Variants in CSMD1 observed in about 807,000 individuals in gnomAD.
The protein encoded by CSMD1 is CUB and Sushi multiple domains 1, also known as CUB and sushi domain-containing protein 1.
CSMD1 carries 213 observed loss-of-function variants against 417.5 expected under a neutral mutation model. That is an observed-to-expected ratio of 0.51 (90% CI 0.46 to 0.57). The LOEUF (loss-of-function observed/expected upper bound fraction) is 0.57, where lower values mean the gene tolerates loss of function less well. Among genes scored for constraint, CSMD1 ranks in the 20% least tolerant of loss-of-function variants. The pLI, the probability that CSMD1 is intolerant of heterozygous loss-of-function variation, is 0.00. For synonymous variants in CSMD1, 2,862 were observed against 1,736.8 expected, an observed-to-expected ratio of 1.65 and a Z score of -16.11; for missense variants, 6,923 against 4,529.7, an observed-to-expected ratio of 1.53 and a Z score of -15.17.
Position 3,279,901 on chromosome 8 carries a change from G to T in CSMD1, c.4153+4243C>A, listed in dbSNP as rs1584919787. 2.0e-5 allele frequency among the ~76,000 whole-genome samples: 3 copies of T among 152,276 alleles called. No homozygotes were observed. In the Middle Eastern group the frequency reaches 0.01, roughly 518 times the overall value. The stretch of plus-strand genomic sequence containing the variant: ...ACCACCTCCACCTGGTCCCACCCTT[G>T]ACACATATGGATTATGAGCATTACA... On this transcript the variant is annotated intron_variant, in intron 26 of 69. Transcript: ENST00000635120.
chr8:4,874,217 A>C (rs1158867058), intron 1 of CSMD1, among the ~76,000 whole-genome samples: 3 of 152,126 alleles, frequency 2.0e-5, no homozygotes, highest in Non-Finnish European at 4.4e-5. Context: ...AGATCAAGAA[A>C]GCCACTGTAT....
intron 49 of CSMD1, among the ~76,000 whole-genome samples, chr8:3,060,713 T>C (rs1029244151): frequency 7.2e-5 from 11 of 152,164 alleles, no homozygotes; most frequent in Non-Finnish European, 1.5e-4. Flanking sequence ...TTTGAATGCA[T>C]CTCCTCCAAA....
At chr8:3,427,571 C>G (rs1426432447) in intron 12 of CSMD1, among the ~76,000 whole-genome samples, 3 of 152,034 alleles carry the variant, frequency 2.0e-5, no homozygotes, top group African/African-American at 7.2e-5. Flanking sequence ...AATCATATTT[C>G]AAATCTATGA....
chr8:3,822,304 G>T (rs1189771540), intron 5 of CSMD1, among the ~76,000 whole-genome samples: 1 of 152,120 alleles, frequency 6.6e-6, no homozygotes, highest in African/African-American at 2.4e-5. Flanking sequence ...CTAGGGGGAA[G>T]AACAGGTGTT....
At chr8:3,517,428 C>T (rs1797327824) in intron 10 of CSMD1, among the ~76,000 whole-genome samples, 1 of 152,148 alleles carries the variant, frequency 6.6e-6, no homozygotes, top group African/African-American at 2.4e-5. Context: ...GAGTCCTCTA[C>T]ACTCCAACCT....
intron 50 of CSMD1, among the ~76,000 whole-genome samples, chr8:3,046,521 C>T (rs1203084965): frequency 6.6e-6 from 1 of 152,132 alleles, no homozygotes; most frequent in Non-Finnish European, 1.5e-5. Flanking sequence ...GATCCTCGCC[C>T]CCACGGATCA....
intron 3 of CSMD1, among the ~76,000 whole-genome samples, chr8:4,293,571 G>T (rs1040179977): frequency 6.6e-6 from 1 of 151,960 alleles, no homozygotes; most frequent in South Asian, 2.1e-4. Flanking sequence ...TTCCAAATTA[G>T]GCACAATAAA....
intron 7 of CSMD1, among the ~76,000 whole-genome samples, chr8:3,628,711 C>A (rs2469310): frequency 0.11 from 17,244 of 151,902 alleles, 1,167 homozygotes; most frequent in African/African-American, 0.17. Flanking sequence ...GTGTAGGCAC[C>A]CTGCAGATCA....
chr8:4,012,110 T>C (rs1585129747), intron 4 of CSMD1, among the ~76,000 whole-genome samples: 1 of 152,150 alleles, frequency 6.6e-6, no homozygotes, highest in East Asian at 1.9e-4. Context: ...ATGAAACATT[T>C]TCTAGATTTA....
chr8:4,100,513 A>C (rs750295547), intron 3 of CSMD1, among the ~76,000 whole-genome samples: 2 of 152,212 alleles, frequency 1.3e-5, no homozygotes, highest in African/African-American at 4.8e-5. Context: ...AAATGGATTA[A>C]AAATGGGTAT....
intron 7 of CSMD1, among the ~76,000 whole-genome samples, chr8:3,700,285 GAA>G (rs1381488164): frequency 1.3e-5 from 2 of 152,078 alleles, no homozygotes; most frequent in Non-Finnish European, 2.9e-5. Context: ...TTTTACAAAA[GAA>G]AATATACCTG....
chr8:3,312,076 T>G (rs1805392333), intron 23 of CSMD1, among the ~76,000 whole-genome samples: 1 of 152,204 alleles, frequency 6.6e-6, no homozygotes, highest in African/African-American at 2.4e-5. Flanking sequence ...CTTTGTTTTG[T>G]AATGTTTCTT....
At chr8:4,141,609 ATTCCTCCACTATATT>A (rs1803795664) in intron 3 of CSMD1, among the ~76,000 whole-genome samples, 1 of 150,844 alleles carries the variant, frequency 6.6e-6, no homozygotes, top group East Asian at 1.9e-4. Flanking sequence ...AGTTGTAACG[ATTCCTCCACTATATT>A]TTCACCCTAA....
In CSMD1 at chr8:4,901,902, C is replaced by T. The variant is rs112667103; in HGVS notation, c.85+92430G>A. On this transcript the variant is annotated intron_variant, in intron 1 of 69. Coordinates refer to ENST00000635120, the MANE Select transcript of CSMD1 (RefSeq NM_033225.6). ...CCAGCCAAAAGGACACTTCCATTTA[C>T]CCTAAATACGTTAAAAAGATTGTCA... is the stretch of plus-strand genomic sequence containing the variant. Among the ~76,000 whole-genome samples the T allele has an allele frequency of 3.2e-3, 485 of 152,164 alleles. 6 individuals are homozygous for T. Among genetic ancestry groups the T allele is most frequent in the African/African-American group, 0.011 (450 of 41,514 alleles).
chr8:4,862,247 C>G (rs1461243174), intron 1 of CSMD1, among the ~76,000 whole-genome samples: 1 of 151,878 alleles, frequency 6.6e-6, no homozygotes, highest in Non-Finnish European at 1.5e-5. Flanking sequence ...GAGGAGTGAA[C>G]GAGATGAGCT....
chr8:4,044,543 A>G (rs1183115415), intron 3 of CSMD1, among the ~76,000 whole-genome samples: 1 of 152,322 alleles, frequency 6.6e-6, no homozygotes, highest in East Asian at 1.9e-4. Context: ...ACTTCATTCC[A>G]TCTGTGATTC....
intron 5 of CSMD1, among the ~76,000 whole-genome samples, chr8:3,832,989 T>C (rs1435871979): frequency 6.6e-6 from 1 of 152,190 alleles, no homozygotes; most frequent in Non-Finnish European, 1.5e-5. Flanking sequence ...AGACACTGTT[T>C]TCTTTTTATA....
At chr8:4,140,490 TCAAAAA>T (rs1407032879) in intron 3 of CSMD1, among the ~76,000 whole-genome samples, 1 of 139,210 alleles carries the variant, frequency 7.2e-6, no homozygotes, top group Non-Finnish European at 1.6e-5. Flanking sequence ...AAAATCCATC[TCAAAAA>T]CAAACAAACA....
intron 3 of CSMD1, among the ~76,000 whole-genome samples, chr8:4,362,609 C>A (rs992648256): frequency 6.6e-6 from 1 of 152,130 alleles, no homozygotes; most frequent in African/African-American, 2.4e-5. Flanking sequence ...AATAAACATT[C>A]TTTTCTCTTT....
Sources: allele counts gnomAD v4.1 joint callset (sites outside exome capture counted in the v4.1 genomes callset), GRCh38; gene constraint gnomAD v4.1.1; transcripts MANE v1.5; gene names NCBI Gene and HGNC (gene_info 2026-07-23, HGNC 2026-07-21).